Variants in GPR158 observed in about 807,000 individuals in gnomAD.
GPR158 encodes metabotropic glycine receptor.
Under a neutral mutation model 78.2 loss-of-function variants are expected in GPR158, and 30 were observed. The observed-to-expected ratio is 0.38, with a 90% confidence interval of 0.29 to 0.52. The LOEUF is 0.52. Ranked by LOEUF, GPR158 falls within the 20% of genes least tolerant of loss-of-function variation. GPR158 has a pLI of 0.83. For missense variants in GPR158, 1,463 were observed against 1,523.5 expected (o/e 0.96, Z 0.66); for synonymous variants, 581 against 591.1 (o/e 0.98, Z 0.25).
chr10:25,593,628 TCTC>T (rs1388066246), intron 8 of GPR158, among the ~76,000 whole-genome samples: 4 of 152,128 alleles, frequency 2.6e-5, no homozygotes, highest in African/African-American at 9.6e-5. Flanking sequence ...GTATTGAATT[TCTC>T]CTCACCATTT....
chr10:25,271,968 T>C (rs1854123982), intron 2 of GPR158, among the ~76,000 whole-genome samples: 1 of 152,136 alleles, frequency 6.6e-6, no homozygotes. Context: ...GATTTCTTTG[T>C]GGGCAAAAAT....
Position 25,176,348 on chromosome 10 carries a change from G to A in GPR158, c.902+26G>A, listed in dbSNP as rs1852533353. On this transcript the variant is annotated intron_variant, in intron 1 of 10. Transcript: ENST00000376351. This position sits in a 1 kb window ranked among gnomAD's most constrained non-coding sequence, Gnocchi z 6.3. ...GTAGGGAGGGCCGGGGGGCAGGGGGGAAGGCAAAAGCGAAGCTTTCCTTCC... is the reference window on the plus strand; with the variant it reads ...GTAGGGAGGGCCGGGGGGCAGGGGGAAAGGCAAAAGCGAAGCTTTCCTTCC... 2.0e-6 allele frequency: 3 copies of A among 1,519,158 alleles called. No individual in the cohort carries two copies. The highest frequency in any genetic ancestry group is 2.0e-5 in the Admixed American group (1 of 49,608). The allele number at this position is 1,519,158 out of a possible 1,614,324, so 94.1% of individuals were successfully genotyped here.
chr10:25,389,137 G>A (rs1056813496), intron 2 of GPR158, among the ~76,000 whole-genome samples: 4 of 152,226 alleles, frequency 2.6e-5, no homozygotes, highest in Non-Finnish European at 5.9e-5. Flanking sequence ...GAAGAGGGGA[G>A]GGTCCCCAGT....
intron 2 of GPR158, among the ~76,000 whole-genome samples, chr10:25,378,288 G>A: frequency 6.6e-6 from 1 of 152,142 alleles, no homozygotes; most frequent in East Asian, 1.9e-4. Flanking sequence ...TATTAATTGT[G>A]CTTGTTTTGT....
chr10:25,340,716 G>A (rs1855290512), intron 2 of GPR158, among the ~76,000 whole-genome samples: 1 of 151,944 alleles, frequency 6.6e-6, no homozygotes, highest in Non-Finnish European at 1.5e-5. Flanking sequence ...ATGTAGAAAA[G>A]AGCTTAAAAA....
intron 7 of GPR158, among the ~76,000 whole-genome samples, 169 bp from the exon 8 acceptor site, chr10:25,588,838 A>T (rs1413934125): frequency 1.3e-5 from 2 of 152,230 alleles, no homozygotes; most frequent in Non-Finnish European, 2.9e-5. Context: ...TATTCCATAA[A>T]CTGAATGAAA....
intron 5 of GPR158, among the ~76,000 whole-genome samples, chr10:25,530,313 C>T (rs1399130763): frequency 6.6e-6 from 1 of 152,150 alleles, no homozygotes. Context: ...ACCAAGAAGG[C>T]GGTAGTCACT....
At chr10:25,317,741 G>T (rs200826939) in intron 2 of GPR158, among the ~76,000 whole-genome samples, 17,857 of 116,232 alleles carry the variant, frequency 0.15, 2,172 homozygotes, top group African/African-American at 0.36. Context: ...GTTTTGTTTT[G>T]TTTTTGAGAC....
At chr10:25,508,414 A>G (rs532100717) in intron 5 of GPR158, among the ~76,000 whole-genome samples, 2 of 152,228 alleles carry the variant, frequency 1.3e-5, no homozygotes, top group Non-Finnish European at 2.9e-5. Flanking sequence ...CATATGCAGT[A>G]GGCAAACCTA....
intron 2 of GPR158, among the ~76,000 whole-genome samples, chr10:25,366,868 T>A (rs1855731866): frequency 6.6e-6 from 1 of 151,694 alleles, no homozygotes; most frequent in African/African-American, 2.4e-5. Flanking sequence ...ACCATTGTAA[T>A]GTTCTGTTTA....
intron 5 of GPR158, among the ~76,000 whole-genome samples, chr10:25,515,704 C>A (rs1490764193): frequency 3.0e-4 from 45 of 148,690 alleles, no homozygotes; most frequent in African/African-American, 1.0e-3. Flanking sequence ...TGAACTCATC[C>A]TTTTTTATGG....
intron 2 of GPR158, among the ~76,000 whole-genome samples, chr10:25,295,373 A>T (rs917130582): frequency 6.6e-6 from 1 of 152,186 alleles, no homozygotes; most frequent in Non-Finnish European, 1.5e-5. Flanking sequence ...ACAACAAATG[A>T]GATCATGTCT....
intron 7 of GPR158, among the ~76,000 whole-genome samples, chr10:25,585,996 A>G (rs1007928226): frequency 2.0e-5 from 3 of 152,128 alleles, no homozygotes; most frequent in Non-Finnish European, 2.9e-5. Context: ...ATAAAAATAT[A>G]AAAAGATTTG....
chr10:25,277,328 A>G (rs1184737438), intron 2 of GPR158, among the ~76,000 whole-genome samples: 1 of 152,184 alleles, frequency 6.6e-6, no homozygotes, highest in Non-Finnish European at 1.5e-5. Flanking sequence ...TATAATGAGT[A>G]GGATAGCACT....
intron 7 of GPR158, among the ~76,000 whole-genome samples, chr10:25,587,984 G>C (rs1380935915): frequency 1.3e-5 from 2 of 152,116 alleles, no homozygotes; most frequent in Non-Finnish European, 2.9e-5. Flanking sequence ...TTTCTTATTA[G>C]ACACTATCTT....
chr10:25,213,221 A>G (rs1368159934), intron 1 of GPR158, among the ~76,000 whole-genome samples: 1 of 152,180 alleles, frequency 6.6e-6, no homozygotes, highest in African/African-American at 2.4e-5. Context: ...TCAGTGATAC[A>G]GTAAGCATTC....
chr10:25,568,014 A>G (rs947016929), intron 6 of GPR158, among the ~76,000 whole-genome samples: 1 of 152,218 alleles, frequency 6.6e-6, no homozygotes, highest in African/African-American at 2.4e-5. Context: ...TGGAATGTGG[A>G]TAAGGGAGAA....
intron 6 of GPR158, among the ~76,000 whole-genome samples, chr10:25,565,348 T>C (rs1030668654): frequency 1.3e-5 from 2 of 152,192 alleles, no homozygotes; most frequent in African/African-American, 4.8e-5. Context: ...CAGACAAAGA[T>C]GTAAATTGGA....
intron 2 of GPR158, among the ~76,000 whole-genome samples, chr10:25,243,325 G>T (rs556395037): frequency 1.3e-5 from 2 of 152,260 alleles, no homozygotes; most frequent in African/African-American, 4.8e-5. Context: ...GCTGTAATTG[G>T]CTATAAAATG....
Sources: allele counts gnomAD v4.1 joint callset (sites outside exome capture counted in the v4.1 genomes callset), GRCh38; gene constraint gnomAD v4.1.1; non-coding constraint Gnocchi (gnomAD v3.1); transcripts MANE v1.5; gene names NCBI Gene and HGNC (gene_info 2026-07-23, HGNC 2026-07-21).